RNF215: variants seen among roughly 807,000 people sequenced by gnomAD.
RNF215 encodes the protein ring finger protein 215.
RNF215 carries 41 observed loss-of-function variants against 44.8 expected under a neutral mutation model. The ratio of observed to expected loss-of-function variants is 0.92; its 90% confidence interval spans 0.71 to 1.19. The LOEUF is 1.19. RNF215 is among the 50% of genes most tolerant of loss of function. RNF215 has a pLI of 0.00. For synonymous variants in RNF215, 218 were observed against 230.1 expected (o/e 0.95, Z 0.48); for missense variants, 452 against 496.2 (o/e 0.91, Z 0.85).
In RNF215 at chr22:30,379,534, C is replaced by A. The variant is rs1933489550; in HGVS notation, c.*66G>T. 1 of 1,536,058 alleles carries A rather than the reference C, an allele frequency of 6.5e-7. No homozygotes were observed. Among genetic ancestry groups the A allele is most frequent in the African/African-American group, 1.4e-5 (1 of 72,996 alleles). On this transcript the variant is annotated 3_prime_UTR_variant, in exon 9 of 9. Coordinates refer to ENST00000382363, the MANE Select transcript of RNF215 (RefSeq NM_001017981.2). ...GTCCCATCCTGTCCTGTCCTGGGAG[C>A]CCAGGCTGAGGACCGGGGTGCAGGC...
In RNF215 at chr22:30,380,547, A is replaced by G. The variant is rs1933515899; in HGVS notation, c.745-146T>C. ...CTGCAGTCCCCAGCTTCCTCTTCTG[A>G]AGGCTCCGTCTCTTCCATTGTGTGC... On this transcript the variant is annotated intron_variant, in intron 5 of 8. Transcript: ENST00000382363. This position sits in a 1 kb window ranked among gnomAD's most constrained non-coding sequence, Gnocchi z 5.3. 3.0e-6 allele frequency: 3 copies of G among 986,226 alleles called. No individual in the cohort carries two copies. Among genetic ancestry groups the G allele is most frequent in the African/African-American group, 1.7e-5 (1 of 60,502 alleles). The allele number at this position is 986,226 out of a possible 1,614,324, so 61.1% of individuals were successfully genotyped here. A position where few individuals can be genotyped will look rare whatever the true frequency, so the allele number is the denominator to read the frequency against.
chr22:30,386,564 ATGCCTTGGAATCCT>A, intron 2 of RNF215, 38 bp downstream of exon 2: 1 of 1,574,584 alleles, frequency 6.4e-7, no homozygotes, highest in Non-Finnish European at 8.6e-7. Flanking sequence ...GCTCTAGCAG[ATGCCTTGGAATCCT>A]TTCCTCCAGC....
intron 5 of RNF215, 113 bp downstream of exon 5, chr22:30,384,226 G>C (rs1264206827): frequency 8.3e-7 from 1 of 1,198,594 alleles, no homozygotes; most frequent in Admixed American, 2.1e-5. Flanking sequence ...GGGTGGGAAA[G>C]GCCGTCCTTG....
chr22:30,385,193 G>A (rs73390209), intron 4 of RNF215, among the ~76,000 whole-genome samples: 48,602 of 151,042 alleles, frequency 0.32, 7,904 homozygotes, highest in South Asian at 0.39. Context: ...AGGCCGAGAC[G>A]AGTAGATCAC....
Position 30,384,493 on chromosome 22 carries a change from C to G in RNF215, c.590G>C (p.Arg197Thr), listed in dbSNP as rs1933569134. 1.2e-6 allele frequency: 2 copies of G among 1,613,352 alleles called. No homozygotes were observed. The highest frequency in any genetic ancestry group is 1.7e-6 in the Non-Finnish European group (2 of 1,179,574). ...VTKLLDALLQ[R>T]TQATAEITSG... ...GGTGATCTCAGCCGTGGCCTGGGTC[C>G]TCCTGGGAGGGGAAGTCACCGGGGC... is the stretch of plus-strand genomic sequence containing the variant. The change falls in exon 5 of 9, where the codon AGG becomes ACG. Residue 197 changes from arginine (R) to threonine (T), a missense_variant and splice_region_variant. Transcript: ENST00000382363.
At position 30,381,583 on chromosome 22, in the gene RNF215, A is replaced by G. The variant is rs570741419; in HGVS notation, c.745-1182T>C. 8.5e-5 allele frequency among the ~76,000 whole-genome samples: 13 copies of G among 152,314 alleles called. No individual in the cohort carries two copies. In the South Asian group the frequency reaches 2.7e-3, roughly 32 times the overall value. Reference sequence around the variant, plus strand: ...TGGATGTGTTAGGACTAACACGTGCATTCACTTCAAAGCTCTCTGCAGCTG... The same window carrying G: ...TGGATGTGTTAGGACTAACACGTGCGTTCACTTCAAAGCTCTCTGCAGCTG... On this transcript the variant is annotated intron_variant, in intron 5 of 8. Transcript: ENST00000382363.
chr22:30,381,666 TGTGGGGAAGAG>T (rs1933531363), intron 5 of RNF215, among the ~76,000 whole-genome samples: 1 of 152,172 alleles, frequency 6.6e-6, no homozygotes, highest in South Asian at 2.1e-4. Flanking sequence ...TCTACCGTCA[TGTGGGGAAGAG>T]GGGCTGAGAA....
intron 5 of RNF215, among the ~76,000 whole-genome samples, chr22:30,381,171 C>T (rs554641833): frequency 2.0e-5 from 3 of 152,350 alleles, no homozygotes; most frequent in South Asian, 4.1e-4. Flanking sequence ...AATGCGCCCC[C>T]CTAACCTCCC....
chr22:30,387,197 G>C lies in RNF215; in HGVS notation c.117C>G (p.Pro39=). Residue 39 remains proline, a synonymous_variant, in exon 1 of 9, where the codon CCC becomes CCG. Coordinates refer to ENST00000382363, the MANE Select transcript of RNF215 (RefSeq NM_001017981.2). ...GCTCGCTGCCGTCCGCCGCGGCCCC[G>C]GGCCCCGCCAGGCCCAGCCACAGCG... ...LLPLWLGLAG[P]GAAADGSEPA... is the part of the protein sequence containing the mutation. 9.7e-7 allele frequency: 1 copy of C among 1,033,108 alleles called. No homozygotes were observed. The highest frequency in any genetic ancestry group is 1.2e-6 in the Non-Finnish European group (1 of 859,446). The allele number at this position is 1,033,108 out of a possible 1,614,324, so 64.0% of individuals were successfully genotyped here.
chr22:30,380,041 G>GT lies in RNF215; in HGVS notation c.1008+20dup, dbSNP rs1933502585. ...GGCATCACAGGTGAGCTGATGGCTGGTCTCTACCCGGGGCACTAGCCTGTT... is the reference window on the plus strand; with the variant it reads ...GGCATCACAGGTGAGCTGATGGCTGGTTCTCTACCCGGGGCACTAGCCTGTT... On this transcript the variant is annotated intron_variant, in intron 7 of 8. Coordinates refer to ENST00000382363, the MANE Select transcript of RNF215 (RefSeq NM_001017981.2). The surrounding 1 kb of genome is among the most constrained non-coding windows in gnomAD (Gnocchi z 5.3). The GT allele has an allele frequency of 2.5e-6, 4 of 1,612,956 alleles. No homozygotes were observed. The highest frequency in any genetic ancestry group is 3.4e-6 in the Non-Finnish European group (4 of 1,179,302).
In RNF215 at chr22:30,380,205, C is replaced by A. The variant is rs1409139998; in HGVS notation, c.865G>T (p.Val289Leu). 1 of 1,613,526 alleles carries A rather than the reference C, an allele frequency of 6.2e-7. No individual in the cohort carries two copies. Among genetic ancestry groups the A allele is most frequent in the African/African-American group, 1.3e-5 (1 of 74,906 alleles). The change falls in exon 7 of 9, where the codon GTG (valine) becomes TTG (leucine). Residue 289 changes from valine (V) to leucine (L), a missense_variant and splice_region_variant. Transcript: ENST00000382363. This position sits in a 1 kb window ranked among gnomAD's most constrained non-coding sequence, Gnocchi z 5.3. ...ACCACGCGGCGCTTAAACAGGTCCACCTGTGGGGAGAGGACGGGCACAGTC... is the reference window on the plus strand; with the variant it reads ...ACCACGCGGCGCTTAAACAGGTCCAACTGTGGGGAGAGGACGGGCACAGTC... Reference protein sequence around the residue: ...RQSQRELGGQVDLFKRRVVRR... With the variant: ...RQSQRELGGQLDLFKRRVVRR...
Position 30,385,960 on chromosome 22 carries a change from T to G in RNF215, c.531A>C (p.Pro177=), listed in dbSNP as rs370301623. The G allele has an allele frequency of 1.7e-5, 28 of 1,614,140 alleles. No homozygotes were observed. The highest frequency in any genetic ancestry group is 1.6e-4 in the East Asian group (7 of 44,878). Residue 177 remains proline (P), a synonymous_variant, in exon 4 of 9, where the codon CCA becomes CCC. Transcript: ENST00000382363. ...TGGAGGAATAATGGAGGACGATCAC[T>G]GGCCTGAGCAGAAGCTGGGATATGT... ...ELDISQLLLR[P]VIVLHYSSNV...
intron 4 of RNF215, among the ~76,000 whole-genome samples, chr22:30,385,236 A>G (rs1054988286): frequency 4.0e-5 from 6 of 151,672 alleles, no homozygotes; most frequent in African/African-American, 1.5e-4. Context: ...CCTGGCTAAC[A>G]TGGTGAAACC....
chr22:30,381,463 C>T (rs989498170), intron 5 of RNF215, among the ~76,000 whole-genome samples: 6 of 152,198 alleles, frequency 3.9e-5, no homozygotes, highest in African/African-American at 1.2e-4. Context: ...GTGGCTGCTG[C>T]GCTCTGACTA....
chr22:30,386,008 G>T lies in RNF215; in HGVS notation c.502-19C>A, dbSNP rs945905470. 3.7e-6 allele frequency: 6 copies of T among 1,613,900 alleles called. No homozygotes were observed. The highest frequency in any genetic ancestry group is 5.1e-6 in the Non-Finnish European group (6 of 1,179,928). The stretch of plus-strand genomic sequence containing the variant: ...TGTCCAGCTGCAGGGAGACAAGGAG[G>T]TCAGCAGGCCTGGGTCCCCCTTTCC... On this transcript the variant is annotated intron_variant, in intron 3 of 8. Transcript: ENST00000382363.
At position 30,384,260 on chromosome 22, in the gene RNF215, A is replaced by G. The variant is rs925924817; in HGVS notation, c.744+79T>C. On this transcript the variant is annotated intron_variant, in intron 5 of 8. Coordinates refer to ENST00000382363, the MANE Select transcript of RNF215 (RefSeq NM_001017981.2). Reference sequence around the variant, plus strand: ...TGTCACTAAGGTGGGGAGAAGCCACAGGATTTTCAATACAAAGCCATGTAT... The same window carrying G: ...TGTCACTAAGGTGGGGAGAAGCCACGGGATTTTCAATACAAAGCCATGTAT... The G allele has an allele frequency of 2.1e-6, 3 of 1,452,186 alleles. No homozygotes were observed. The African/African-American group carries it at 4.2e-5, about 20-fold the overall frequency. The allele number at this position is 1,452,186 out of a possible 1,614,324, so 90.0% of individuals were successfully genotyped here.
intron 2 of RNF215, 114 bp downstream of exon 2, chr22:30,386,502 C>T: frequency 7.4e-7 from 1 of 1,357,332 alleles, no homozygotes; most frequent in Non-Finnish European, 1.0e-6. Context: ...CCTGACCCAC[C>T]AGGCCTAGGG....
chr22:30,384,679 C>T, intron 4 of RNF215, 184 bp from the exon 5 acceptor site: 4 of 547,438 alleles, frequency 7.3e-6, no homozygotes, highest in Non-Finnish European at 1.3e-5. Flanking sequence ...GCCAGGGAAG[C>T]CTGCAAGTCC....
intron 4 of RNF215, among the ~76,000 whole-genome samples, chr22:30,385,123 T>C (rs1230045229): frequency 6.6e-6 from 1 of 151,186 alleles, no homozygotes; most frequent in Non-Finnish European, 1.5e-5. Flanking sequence ...GAGAGGGCAG[T>C]CTTAAAGCTA....
Sources: gnomAD v4.1 joint callset for allele counts (sites outside exome capture counted in the v4.1 genomes callset) on GRCh38, gnomAD v4.1.1 for gene constraint, Gnocchi (gnomAD v3.1) non-coding constraint, MANE v1.5 for transcripts, NCBI Gene and HGNC (gene_info 2026-07-23, HGNC 2026-07-21) for gene names.